Variants in DNAH11 observed in about 807,000 individuals in gnomAD.
The protein encoded by DNAH11 is dynein axonemal heavy chain 11.
Under a neutral mutation model 526.0 loss-of-function variants are expected in DNAH11, and 442 were observed. That is an observed-to-expected ratio of 0.84 (90% CI 0.78 to 0.91). The LOEUF (loss-of-function observed/expected upper bound fraction) is 0.91, where lower values mean the gene tolerates loss of function less well. Ranked by LOEUF, DNAH11 falls within the 40% of genes least tolerant of loss-of-function variation. DNAH11 has a pLI of 0.00. For missense variants in DNAH11, 6,989 were observed against 5,448.7 expected (o/e 1.28, Z -8.90); for synonymous variants, 2,461 against 1,935.9 (o/e 1.27, Z -7.12).
rs1235025695 is a variant in DNAH11, at chr7:21,615,196, A to G, written c.3935A>G (p.Glu1312Gly). Residue 1312 changes from glutamate (E) to glycine (G), a missense_variant, in exon 21 of 82, where the codon GAG becomes GGG. By Grantham distance (98) the Glu-to-Gly change is moderately conservative. Coordinates refer to ENST00000409508, the MANE Select transcript of DNAH11 (RefSeq NM_001277115.2). ...STRLFEVALPEYKQMKQCRKE... is the reference protein window; with the variant it reads ...STRLFEVALPGYKQMKQCRKE... ...CGTCTTTTTGAAGTGGCTCTTCCAG[A>G]GTACAAACAAATGAAACAGTGTCGC... The G allele has an allele frequency of 1.9e-6, 3 of 1,613,438 alleles. No homozygotes were observed. The highest frequency in any genetic ancestry group is 2.5e-6 in the Non-Finnish European group (3 of 1,179,584).
At chr7:21,811,314 G>C (rs1373391678) in intron 63 of DNAH11, among the ~76,000 whole-genome samples, 1 of 151,948 alleles carries the variant, frequency 6.6e-6, no homozygotes, top group Non-Finnish European at 1.5e-5. Flanking sequence ...AAATTAGCCA[G>C]GCGTGGTGGT....
chr7:21,872,055 C>T (rs137941336), intron 73 of DNAH11, among the ~76,000 whole-genome samples: 1,601 of 135,136 alleles, frequency 0.012, 35 homozygotes, highest in African/African-American at 0.041. Flanking sequence ...ACCCAGGAGA[C>T]GGAGTTTGCA....
chr7:21,642,455 A>G (rs1311456132), intron 28 of DNAH11, among the ~76,000 whole-genome samples: 2 of 152,144 alleles, frequency 1.3e-5, no homozygotes, highest in Non-Finnish European at 2.9e-5. Context: ...CTGTTATGCC[A>G]GATAGTGTGA....
At chr7:21,680,875 A>G (rs1382357334) in intron 30 of DNAH11, among the ~76,000 whole-genome samples, 1 of 152,236 alleles carries the variant, frequency 6.6e-6, no homozygotes, top group African/African-American at 2.4e-5. Flanking sequence ...ATAATTTGTC[A>G]TTTAGCTTTT....
intron 65 of DNAH11, among the ~76,000 whole-genome samples, chr7:21,827,323 C>G (rs905326112): frequency 7.2e-5 from 11 of 152,136 alleles, no homozygotes; most frequent in African/African-American, 2.7e-4. Flanking sequence ...TTTTCCAAAG[C>G]AAATTTACTG....
chr7:21,558,983 A>G lies in DNAH11; in HGVS notation c.677A>G (p.Asn226Ser). 1 of 1,580,002 alleles carries G rather than the reference A, an allele frequency of 6.3e-7. No individual in the cohort carries two copies. The highest frequency in any genetic ancestry group is 8.6e-7 in the Non-Finnish European group (1 of 1,161,500). ...GCAGGAAAGATGGATCTGGATCAGA[A>G]TTGTTCAGAGAACAAGTACGTAACA... ...TVAGKMDLDQ[N>S]CSENKPPSNE... Residue 226 changes from asparagine (N) to serine (S), a missense_variant, in exon 3 of 82, where the codon AAT (asparagine) becomes AGT (serine). Transcript: ENST00000409508.
intron 18 of DNAH11, among the ~76,000 whole-genome samples, chr7:21,605,501 G>C (rs1785245249): frequency 6.6e-6 from 1 of 152,184 alleles, no homozygotes; most frequent in Admixed American, 6.5e-5. Flanking sequence ...TATTTATTGT[G>C]TCTTTTGTCC....
At chr7:21,547,973 G>A (rs926881562) in intron 2 of DNAH11, among the ~76,000 whole-genome samples, 13 of 152,102 alleles carry the variant, frequency 8.5e-5, no homozygotes, top group Admixed American at 7.9e-4. Context: ...TTTTGTGCTA[G>A]TCCCCTTACA....
At chr7:21,889,223 C>T (rs535077887) in intron 76 of DNAH11, among the ~76,000 whole-genome samples, 1 of 152,324 alleles carries the variant, frequency 6.6e-6, no homozygotes, top group East Asian at 1.9e-4. Context: ...TAGCATATAT[C>T]AGTACTCAAT....
Position 21,637,609 on chromosome 7 carries a change from A to G in DNAH11, c.4726-2A>G. The G allele has an allele frequency of 6.4e-7, 1 of 1,570,728 alleles. No individual in the cohort carries two copies. The highest frequency in any genetic ancestry group is 8.7e-7 in the Non-Finnish European group (1 of 1,153,112). ...ACGGCCCCGTATTGTACTTTCATGC[A>G]GGAGTTAATGTTCAAGACAGCCAAA... On this transcript the variant is annotated splice_acceptor_variant, in intron 26 of 81. Coordinates refer to ENST00000409508, the MANE Select transcript of DNAH11 (RefSeq NM_001277115.2). LOFTEE classifies it high-confidence loss of function.
At chr7:21,662,157 A>T (rs922231216) in intron 30 of DNAH11, among the ~76,000 whole-genome samples, 2 of 152,120 alleles carry the variant, frequency 1.3e-5, no homozygotes, top group Admixed American at 6.6e-5. Context: ...TTTATGTGCT[A>T]TATAAGGGCT....
intron 61 of DNAH11, among the ~76,000 whole-genome samples, chr7:21,799,259 C>T (rs974139898): frequency 7.2e-5 from 11 of 152,230 alleles, no homozygotes; most frequent in South Asian, 4.1e-4. Context: ...CCAGAGCCTT[C>T]GTGTGCTTCT....
intron 28 of DNAH11, among the ~76,000 whole-genome samples, chr7:21,649,252 T>C (rs1787513539): frequency 6.6e-6 from 1 of 152,192 alleles, no homozygotes; most frequent in African/African-American, 2.4e-5. Context: ...TAAATAGGAA[T>C]ATATCATACA....
chr7:21,751,901 A>G (rs910744334), intron 54 of DNAH11, among the ~76,000 whole-genome samples: 1 of 152,220 alleles, frequency 6.6e-6, no homozygotes, highest in African/African-American at 2.4e-5. Flanking sequence ...ACTAGGATCA[A>G]ATTTTCTTTA....
intron 56 of DNAH11, among the ~76,000 whole-genome samples, chr7:21,776,525 CCTT>C (rs1430271253): frequency 6.6e-6 from 1 of 152,148 alleles, no homozygotes; most frequent in African/African-American, 2.4e-5. Context: ...TAGCAATGTT[CCTT>C]CTTTACAGTA....
intron 42 of DNAH11, among the ~76,000 whole-genome samples, chr7:21,714,824 G>C (rs1389642009): frequency 6.6e-6 from 1 of 152,192 alleles, no homozygotes; most frequent in African/African-American, 2.4e-5. Context: ...TGAAATATAT[G>C]AAAGTAAGTT....
At chr7:21,750,114 C>G (rs116343842) in intron 53 of DNAH11, 108 bp from the exon 54 acceptor site, 4 of 1,351,498 alleles carry the variant, frequency 3.0e-6, no homozygotes, top group Non-Finnish European at 3.0e-6. Flanking sequence ...TAAACTCTTA[C>G]CATTTATGCT....
At chr7:21,878,660 C>G (rs1165375241) in intron 74 of DNAH11, among the ~76,000 whole-genome samples, 1 of 152,170 alleles carries the variant, frequency 6.6e-6, no homozygotes, top group Non-Finnish European at 1.5e-5. Context: ...TGGATCTGCG[C>G]TACATGCTTC....
intron 77 of DNAH11, among the ~76,000 whole-genome samples, chr7:21,894,027 T>A (rs1039096660): frequency 1.3e-5 from 2 of 152,190 alleles, no homozygotes; most frequent in African/African-American, 4.8e-5. Flanking sequence ...TAGCTGGGAT[T>A]ACAGACATGC....
Sources: gnomAD v4.1 joint callset for allele counts (sites outside exome capture counted in the v4.1 genomes callset) on GRCh38, gnomAD v4.1.1 for gene constraint, MANE v1.5 for transcripts, NCBI Gene and HGNC (gene_info 2026-07-23, HGNC 2026-07-21) for gene names.